Variants in MTUS2 observed in about 807,000 individuals in gnomAD.
MTUS2 encodes microtubule-associated tumor suppressor candidate 2.
A neutral mutation model predicts 114.1 loss-of-function variants in MTUS2; 40 were observed. The observed-to-expected ratio is 0.35, with a 90% confidence interval of 0.27 to 0.46. The LOEUF (loss-of-function observed/expected upper bound fraction) is 0.46. Among genes scored for constraint, MTUS2 ranks in the 20% least tolerant of loss-of-function variants. The pLI is 1.00. For missense variants in MTUS2, 1,679 were observed against 1,705.4 expected (o/e 0.98, Z 0.27); for synonymous variants, 688 against 672.0 (o/e 1.02, Z -0.37).
chr13:29,452,467 G>A (rs943972467), intron 9 of MTUS2, among the ~76,000 whole-genome samples: 6 of 151,886 alleles, frequency 4.0e-5, no homozygotes, highest in East Asian at 3.9e-4. Context: ...GAGTGCAGAC[G>A]TGCAATTGTA....
At chr13:29,315,889 C>T (rs1899968009) in intron 6 of MTUS2, among the ~76,000 whole-genome samples, 1 of 152,094 alleles carries the variant, frequency 6.6e-6, no homozygotes, top group Non-Finnish European at 1.5e-5. Context: ...AGGTTGTAAC[C>T]AGAAAGAAGG....
chr13:29,139,290 A>G (rs981922563), intron 5 of MTUS2, among the ~76,000 whole-genome samples: 2 of 152,166 alleles, frequency 1.3e-5, no homozygotes, highest in Admixed American at 6.5e-5. Flanking sequence ...TGGATTTTGC[A>G]CTGGGATAAT....
intron 2 of MTUS2, among the ~76,000 whole-genome samples, chr13:28,909,122 G>T (rs1361765215): frequency 1.3e-5 from 2 of 151,492 alleles, no homozygotes; most frequent in Non-Finnish European, 2.9e-5. Context: ...GTCAGGTAGC[G>T]TGATGCCTCC....
intron 1 of MTUS2, among the ~76,000 whole-genome samples, chr13:28,825,197 C>T (rs1874183100): frequency 1.3e-5 from 2 of 152,090 alleles, no homozygotes; most frequent in African/African-American, 2.4e-5. Flanking sequence ...CTCAGGGCAT[C>T]GGAATCCAGC....
At chr13:29,111,769 A>G (rs116291521) in intron 5 of MTUS2, among the ~76,000 whole-genome samples, 21 of 148,136 alleles carry the variant, frequency 1.4e-4, no homozygotes, top group African/African-American at 4.9e-4. Flanking sequence ...AGATTGATAT[A>G]TTTTTTTTTT....
intron 2 of MTUS2, among the ~76,000 whole-genome samples, chr13:28,850,740 A>G (rs1000447010): frequency 1.3e-5 from 2 of 152,182 alleles, no homozygotes; most frequent in African/African-American, 2.4e-5. Context: ...TAGACAGTTG[A>G]TTCATTTTCT....
intron 14 of MTUS2, among the ~76,000 whole-genome samples, chr13:29,498,994 C>T (rs1882725796): frequency 6.6e-6 from 1 of 152,166 alleles, no homozygotes; most frequent in Admixed American, 6.5e-5. Flanking sequence ...TGCTTCCAGT[C>T]CTCACAAGGC....
intron 7 of MTUS2, among the ~76,000 whole-genome samples, chr13:29,357,695 T>G (rs1044270874): frequency 1.3e-5 from 2 of 152,170 alleles, no homozygotes; most frequent in African/African-American, 4.8e-5. Context: ...AGCAAGTGAG[T>G]TTTCTGGAAT....
chr13:29,064,685 A>G (rs569624205), intron 4 of MTUS2, among the ~76,000 whole-genome samples: 2 of 152,256 alleles, frequency 1.3e-5, no homozygotes, highest in South Asian at 4.1e-4. Flanking sequence ...TATATAGGTT[A>G]GCATGTGACA....
chr13:28,864,663 T>C (rs138024051), intron 2 of MTUS2, among the ~76,000 whole-genome samples: 34 of 152,290 alleles, frequency 2.2e-4, no homozygotes, highest in African/African-American at 8.2e-4. Flanking sequence ...CGGTTTTAAG[T>C]TTACTAAACA....
rs1453590611 is a variant in MTUS2 at position 28,972,878 on chromosome 13, C to G, written c.-242-51579C>G. ...CTGCAGACTTTTTAAGAGAAATGTT[C>G]AGGCAGAGATAGTTAAGCCCCTATC... On this transcript the variant is annotated intron_variant, in intron 2 of 15. Transcript: ENST00000612955. Among the ~76,000 whole-genome samples, 8 of 152,222 alleles carry G rather than the reference C, an allele frequency of 5.3e-5. No homozygotes were observed. In the East Asian group the frequency reaches 1.5e-3, roughly 29 times the overall value.
intron 2 of MTUS2, among the ~76,000 whole-genome samples, chr13:28,969,514 A>T (rs938647867): frequency 1.3e-5 from 2 of 151,472 alleles, no homozygotes; most frequent in South Asian, 4.2e-4. Context: ...TTATTTATTT[A>T]TTTTTTGAGA....
chr13:28,969,783 G>C (rs149037415), intron 2 of MTUS2, among the ~76,000 whole-genome samples: 18 of 148,248 alleles, frequency 1.2e-4, no homozygotes, highest in African/African-American at 4.4e-4. Context: ...GATTACAGGC[G>C]TGAGCCACTG....
chr13:29,315,341 A>G (rs1593293468), intron 6 of MTUS2, among the ~76,000 whole-genome samples: 1 of 152,190 alleles, frequency 6.6e-6, no homozygotes, highest in African/African-American at 2.4e-5. Context: ...ACACAAAGAA[A>G]TGATCTATGT....
At chr13:29,366,609 T>C (rs1870736708) in intron 8 of MTUS2, among the ~76,000 whole-genome samples, 1 of 152,212 alleles carries the variant, frequency 6.6e-6, no homozygotes, top group South Asian at 2.1e-4. Context: ...ACTCTAAGCA[T>C]ACCTGGTATG....
At chr13:28,879,139 C>G (rs1878134484) in intron 2 of MTUS2, among the ~76,000 whole-genome samples, 2 of 151,972 alleles carry the variant, frequency 1.3e-5, no homozygotes, top group African/African-American at 4.8e-5. Context: ...TGAGAAGTGT[C>G]TGTTTGTGTC....
rs531326960 is a variant in MTUS2, at chr13:28,889,592, T to C, written c.-243+49742T>C. Among the ~76,000 whole-genome samples, 16 of 152,290 alleles carry C rather than the reference T, an allele frequency of 1.1e-4. No homozygotes were observed. In the South Asian group the frequency reaches 2.5e-3, roughly 24 times the overall value. On this transcript the variant is annotated intron_variant, in intron 2 of 15. Coordinates refer to ENST00000612955, the MANE Select transcript of MTUS2 (RefSeq NM_001033602.4). The stretch of plus-strand genomic sequence containing the variant: ...TTTCTGTATCTCTTGCAAACACTTA[T>C]AGAGTGGTGCTTTATGACGCATGCT...
intron 2 of MTUS2, among the ~76,000 whole-genome samples, chr13:28,945,491 CTTG>C (rs1882478552): frequency 6.6e-6 from 1 of 152,086 alleles, no homozygotes; most frequent in Non-Finnish European, 1.5e-5. Flanking sequence ...TTGCCAACAT[CTTG>C]TTATTTTTTG....
chr13:29,033,263 C>A (rs144334650), intron 3 of MTUS2, among the ~76,000 whole-genome samples: 1 of 152,298 alleles, frequency 6.6e-6, no homozygotes, highest in African/African-American at 2.4e-5. Flanking sequence ...TCGCCTCACT[C>A]GAGCAGACGA....
Sources: allele counts gnomAD v4.1 joint callset (sites outside exome capture counted in the v4.1 genomes callset), GRCh38; gene constraint gnomAD v4.1.1; transcripts MANE v1.5; gene names NCBI Gene and HGNC (gene_info 2026-07-23, HGNC 2026-07-21).